The following PDS5B variants were observed in gnomAD, a reference collection of about 807,000 sequenced individuals.
The protein encoded by PDS5B is sister chromatid cohesion protein PDS5 homolog B.
In PDS5B, 51 loss-of-function variants were observed where a neutral mutation model predicts 184.1. The ratio of observed to expected loss-of-function variants is 0.28; its 90% CI spans 0.22 to 0.35. The LOEUF (loss-of-function observed/expected upper bound fraction) is 0.35, where lower values mean the gene tolerates loss of function less well. Among genes scored for constraint, PDS5B ranks in the 10% least tolerant of loss-of-function variants. The pLI, the probability that PDS5B is intolerant of heterozygous loss-of-function variation, is 1.00. For synonymous variants in PDS5B, 566 were observed against 569.2 expected (o/e 0.99, Z 0.08); for missense variants, 1,180 against 1,723.3 (o/e 0.68, Z 5.58).
At chr13:32,744,938 T>C (rs891397950) in intron 23 of PDS5B, among the ~76,000 whole-genome samples, 1 of 152,176 alleles carries the variant, frequency 6.6e-6, no homozygotes, top group Non-Finnish European at 1.5e-5. Context: ...TAACAATCTT[T>C]TACTATAGAG....
intron 1 of PDS5B, among the ~76,000 whole-genome samples, chr13:32,624,194 C>A: frequency 6.6e-6 from 1 of 152,122 alleles, no homozygotes; most frequent in Non-Finnish European, 1.5e-5. Flanking sequence ...CCCTTTTATC[C>A]CCCAAATTAT....
At chr13:32,621,948 T>G (rs2058307945) in intron 1 of PDS5B, among the ~76,000 whole-genome samples, 1 of 152,198 alleles carries the variant, frequency 6.6e-6, no homozygotes, top group African/African-American at 2.4e-5. Context: ...ATTCTTTATC[T>G]ATCATTCTTT....
chr13:32,717,687 T>TAAAAAAA (rs1293060097), intron 19 of PDS5B, among the ~76,000 whole-genome samples: 3 of 58,692 alleles, frequency 5.1e-5, no homozygotes, highest in East Asian at 4.9e-4. Context: ...GAATGATCAA[T>TAAAAAAA]AAAAAAAAAA....
At position 32,604,783 on chromosome 13, in the gene PDS5B, C is replaced by A. The variant is rs2058034356; in HGVS notation, c.-20+18190C>A. On this transcript the variant is annotated intron_variant, in intron 1 of 34. Coordinates refer to ENST00000315596, the MANE Select transcript of PDS5B (RefSeq NM_015032.4). ...ATTGGTCTATTCAGGGATTCAACTT[C>A]TTCCTGGTTTAGTCTTGGGAGGGTG... Among the ~76,000 whole-genome samples the A allele has an allele frequency of 2.0e-5, 3 of 152,146 alleles. No homozygotes were observed. In the South Asian group the frequency reaches 6.2e-4, roughly 31 times the overall value.
At chr13:32,704,988 C>T (rs549902065) in intron 17 of PDS5B, among the ~76,000 whole-genome samples, 3 of 152,094 alleles carry the variant, frequency 2.0e-5, no homozygotes, top group Admixed American at 2.0e-4. Context: ...AATAGTTTTT[C>T]AGTTGATTTT....
chr13:32,684,870 T>G (rs12428802), intron 11 of PDS5B, among the ~76,000 whole-genome samples: 54,790 of 152,074 alleles, frequency 0.36, 10,504 homozygotes, highest in Non-Finnish European at 0.43. Context: ...TCCCAGCACT[T>G]TGGGAGGCTG....
At chr13:32,596,288 A>G (rs2057868526) in intron 1 of PDS5B, among the ~76,000 whole-genome samples, 1 of 152,210 alleles carries the variant, frequency 6.6e-6, no homozygotes, top group Non-Finnish European at 1.5e-5. Context: ...ATCTTCATAC[A>G]GTGTGTGCTC....
intron 19 of PDS5B, among the ~76,000 whole-genome samples, chr13:32,729,996 G>GCTTTAGTCATGAAGTC (rs1953052353): frequency 6.6e-6 from 1 of 152,166 alleles, no homozygotes; most frequent in African/African-American, 2.4e-5. Flanking sequence ...TGCTTTTGGT[G>GCTTTAGTCATGAAGTC]TTTTAGTCAT....
chr13:32,644,295 T>C (rs555969230), intron 1 of PDS5B, among the ~76,000 whole-genome samples: 1 of 152,316 alleles, frequency 6.6e-6, no homozygotes, highest in East Asian at 1.9e-4. Context: ...TGACATATGA[T>C]AGAAATGCAC....
chr13:32,770,047 T>G (rs1336934021), intron 31 of PDS5B, 74 bp from the exon 32 acceptor site: 4 of 1,338,610 alleles, frequency 3.0e-6, no homozygotes, highest in African/African-American at 2.9e-5. Flanking sequence ...ATAACAGATT[T>G]TTTTGTTTCA....
chr13:32,760,444 T>A, intron 29 of PDS5B, 131 bp from the exon 30 acceptor site: 1 of 755,542 alleles, frequency 1.3e-6, no homozygotes, highest in Non-Finnish European at 2.1e-6. Flanking sequence ...CTTATTACTT[T>A]GCTTAAGGAT....
At chr13:32,647,051 C>T (rs1322979727) in intron 1 of PDS5B, among the ~76,000 whole-genome samples, 2 of 152,002 alleles carry the variant, frequency 1.3e-5, no homozygotes, top group Admixed American at 6.6e-5. Context: ...TTAAATTTAA[C>T]CCTGTTTGGC....
rs1566397570 is a variant in PDS5B, at chr13:32,741,068, G to GTTTTTTTTTTTTTTTTTTTTTTTTTTT, written c.2407-9_2407-8insTTTTTTTTTTTTTTTTTTTTTTTTTTT. The GTTTTTTTTTTTTTTTTTTTTTTTTTTT allele has an allele frequency of 7.8e-7, 1 of 1,281,034 alleles. No homozygotes were observed. The allele number at this position is 1,281,034 out of a possible 1,614,324, so 79.4% of individuals were successfully genotyped here. A position where few individuals can be genotyped will look rare whatever the true frequency, so the allele number is the denominator to read the frequency against. The stretch of plus-strand genomic sequence containing the variant: ...AGTCCCTGGTTTTTTTTTTTTTCTC[G>GTTTTTTTTTTTTTTTTTTTTTTTTTTT]TTTATTTTTAGCTTCCAGGGAAAAA... On this transcript the variant is annotated splice_polypyrimidine_tract_variant and intron_variant, in intron 21 of 34. Coordinates refer to ENST00000315596, the MANE Select transcript of PDS5B (RefSeq NM_015032.4).
chr13:32,753,597 A>G, intron 25 of PDS5B, 61 bp downstream of exon 25: 3 of 1,027,696 alleles, frequency 2.9e-6, no homozygotes. Flanking sequence ...GTTTTATAGA[A>G]TATAGCATGA....
Position 32,655,359 on chromosome 13 carries a change from C to CATAT in PDS5B, c.313-2867_313-2864dup, listed in dbSNP as rs1177251327. ...AAAAGTATCTCTTCATGTTCTTTGCCATATATATATATATATTTTTTTTTT... is the reference window on the plus strand; with the variant it reads ...AAAAGTATCTCTTCATGTTCTTTGCCATATATATATATATATATATTTTTTTTTT... On this transcript the variant is annotated intron_variant, in intron 3 of 34. Coordinates refer to ENST00000315596, the MANE Select transcript of PDS5B (RefSeq NM_015032.4). Among the ~76,000 whole-genome samples, 68 of 39,564 alleles carry CATAT rather than the reference C, an allele frequency of 1.7e-3. 1 individual carries two copies. The highest frequency in any genetic ancestry group is 8.1e-3 in the East Asian group (2 of 246). 26.0% of individuals were successfully genotyped at this position (39,564 alleles called of 152,430 possible).
chr13:32,593,739 A>T (rs2057812032), intron 1 of PDS5B, among the ~76,000 whole-genome samples: 1 of 152,182 alleles, frequency 6.6e-6, no homozygotes, highest in African/African-American at 2.4e-5. Context: ...GTGGAAGTGG[A>T]TCATCGTAAA....
At position 32,776,687 on chromosome 13, in the gene PDS5B, T is replaced by A. The variant is rs539822836; in HGVS notation, c.*1635T>A. 1 of 152,630 alleles carries A rather than the reference T, an allele frequency of 6.6e-6. No homozygotes were observed. Among genetic ancestry groups the A allele is most frequent in the East Asian group, 1.9e-4 (1 of 5,190 alleles). 9.5% of individuals were successfully genotyped at this position (152,630 alleles called of 1,614,324 possible). On this transcript the variant is annotated 3_prime_UTR_variant, in exon 35 of 35. Transcript: ENST00000315596. ...ATACACCATTATGTTTAAGATATATTTCCAAGATTGGTTATAATAGATGGG... is the reference window on the plus strand; with the variant it reads ...ATACACCATTATGTTTAAGATATATATCCAAGATTGGTTATAATAGATGGG...
At chr13:32,710,157 T>C (rs1478604330) in intron 19 of PDS5B, 51 bp downstream of exon 19, 1 of 1,234,658 alleles carries the variant, frequency 8.1e-7, no homozygotes. Context: ...AACATAATTA[T>C]TTCTTGATTT....
intron 24 of PDS5B, among the ~76,000 whole-genome samples, chr13:32,748,438 T>C (rs962594092): frequency 7.9e-5 from 12 of 151,404 alleles, no homozygotes; most frequent in East Asian, 3.9e-4. Flanking sequence ...GCTTTACTTA[T>C]CTGATTACAT....
Sources: gnomAD v4.1 joint callset for allele counts (sites outside exome capture counted in the v4.1 genomes callset) on GRCh38, gnomAD v4.1.1 for gene constraint, MANE v1.5 for transcripts, NCBI Gene and HGNC (gene_info 2026-07-23, HGNC 2026-07-21) for gene names.